Variants in ARNT observed in about 807,000 individuals in gnomAD.
ARNT encodes aryl hydrocarbon receptor nuclear translocator.
ARNT carries 30 observed loss-of-function variants against 105.0 expected under a neutral mutation model. The observed-to-expected ratio is 0.29, with a 90% CI of 0.21 to 0.39. The LOEUF (loss-of-function observed/expected upper bound fraction) is 0.39. Among genes scored for constraint, ARNT ranks in the 10% least tolerant of loss-of-function variants. ARNT has a pLI of 1.00. For missense variants in ARNT, 748 were observed against 978.7 expected (o/e 0.76, Z 3.15); for synonymous variants, 304 against 344.0 (o/e 0.88, Z 1.29).
intron 19 of ARNT, among the ~76,000 whole-genome samples, chr1:150,814,589 C>T (rs1655440530): frequency 6.6e-6 from 1 of 152,136 alleles, no homozygotes; most frequent in Non-Finnish European, 1.5e-5. Context: ...TGCCTATAAT[C>T]CCAGCACTTT....
chr1:150,857,016 A>G (rs1004787670), intron 2 of ARNT, among the ~76,000 whole-genome samples: 4 of 151,650 alleles, frequency 2.6e-5, no homozygotes, highest in Non-Finnish European at 5.9e-5. Flanking sequence ...TACCAATCAT[A>G]CATGTTCATT....
chr1:150,844,714 A>T (rs1003332303), intron 4 of ARNT, among the ~76,000 whole-genome samples: 49 of 149,038 alleles, frequency 3.3e-4, no homozygotes, highest in African/African-American at 8.3e-4. Context: ...AGAATTTAAT[A>T]AAAAAAAGTA....
At chr1:150,815,215 T>C (rs1156552411) in intron 19 of ARNT, among the ~76,000 whole-genome samples, 1 of 152,056 alleles carries the variant, frequency 6.6e-6, no homozygotes, top group Admixed American at 6.5e-5. Flanking sequence ...CTTTAGACAG[T>C]GTATTTATTG....
Position 150,834,647 on chromosome 1 carries a change from G to T in ARNT, c.701-7C>A, listed in dbSNP as rs762900585. 1.2e-6 allele frequency: 2 copies of T among 1,612,908 alleles called. No homozygotes were observed. The highest frequency in any genetic ancestry group is 1.7e-6 in the Non-Finnish European group (2 of 1,179,090). ...TTTAGATCCAGGATACGCCCTGAAG[G>T]AAGATGTGAAGAGCAGTCTGGAGTG... On this transcript the variant is annotated splice_polypyrimidine_tract_variant and splice_region_variant and intron_variant, in intron 7 of 21. Transcript: ENST00000358595.
chr1:150,869,278 C>T (rs1042628611), intron 1 of ARNT, among the ~76,000 whole-genome samples: 3 of 152,128 alleles, frequency 2.0e-5, no homozygotes, highest in African/African-American at 7.2e-5. Flanking sequence ...GAGATCGAGG[C>T]CATCCTGGCT....
chr1:150,833,959 A>C (rs1227153747), intron 8 of ARNT, among the ~76,000 whole-genome samples: 2 of 149,738 alleles, frequency 1.3e-5, no homozygotes, highest in African/African-American at 4.9e-5. Flanking sequence ...TTTGAGACAG[A>C]GTTTCACTCT....
chr1:150,816,113 A>T, intron 19 of ARNT, 146 bp downstream of exon 19: 1 of 982,970 alleles, frequency 1.0e-6, no homozygotes, highest in Non-Finnish European at 1.5e-6. Context: ...TTAATTAGCT[A>T]CTCTCAACAA....
chr1:150,871,306 T>G (rs912779378), intron 1 of ARNT, among the ~76,000 whole-genome samples: 14 of 147,456 alleles, frequency 9.5e-5, no homozygotes, highest in Non-Finnish European at 3.0e-5. Context: ...TTTTTTTTTT[T>G]TTTTTTTTTT....
At chr1:150,828,350 G>GTTTTTTTTTTTTTTT (rs10531895) in intron 12 of ARNT, among the ~76,000 whole-genome samples, 1 of 115,562 alleles carries the variant, frequency 8.7e-6, no homozygotes. Context: ...TTTTTTTTTT[G>GTTTTTTTTTTTTTTT]TTTTTTTTTT....
rs1355630254 is a variant in ARNT, at chr1:150,809,873, T to C, written c.*2148A>G. On this transcript the variant is annotated 3_prime_UTR_variant, in exon 22 of 22. Transcript: ENST00000358595. ...CTCATGGTCAGAGCATTCCTGCTGA[T>C]GTTACTCAGAATGTGTCAGGATCAG... 4.5e-6 allele frequency: 1 copy of C among 223,868 alleles called. No individual in the cohort carries two copies. Among genetic ancestry groups the C allele is most frequent in the Non-Finnish European group, 8.9e-6 (1 of 112,026 alleles). 13.9% of individuals were successfully genotyped at this position (223,868 alleles called of 1,614,324 possible).
chr1:150,838,640 TTGA>T (rs1423837793), intron 6 of ARNT, among the ~76,000 whole-genome samples: 2 of 152,260 alleles, frequency 1.3e-5, no homozygotes, highest in Admixed American at 6.5e-5. Flanking sequence ...AAGGGAATAC[TTGA>T]TTGATACTGA....
At chr1:150,853,349 G>C (rs1298516464) in intron 2 of ARNT, 4 of 272,150 alleles carry the variant, frequency 1.5e-5, no homozygotes, top group African/African-American at 7.0e-5. Flanking sequence ...CACTTTCCTA[G>C]AGTAGCAGTC....
intron 2 of ARNT, among the ~76,000 whole-genome samples, chr1:150,858,077 C>A (rs1319265014): frequency 6.6e-6 from 1 of 152,138 alleles, no homozygotes; most frequent in Non-Finnish European, 1.5e-5. Flanking sequence ...TTTTCTCAGG[C>A]ATAGTAAAAT....
chr1:150,825,840 CCTT>C (rs1163213163), intron 13 of ARNT, among the ~76,000 whole-genome samples: 2 of 131,094 alleles, frequency 1.5e-5, no homozygotes, highest in Admixed American at 8.1e-5. Context: ...GAGCTAGACT[CCTT>C]CTAAAAAAAA....
In ARNT at chr1:150,821,225, T is replaced by C. The variant is rs201493002; in HGVS notation, c.1394+1969A>G. Among the ~76,000 whole-genome samples, 28 of 152,350 alleles carry C rather than the reference T, an allele frequency of 1.8e-4. No individual in the cohort carries two copies. In the East Asian group the frequency reaches 5.2e-3, roughly 28 times the overall value. ...AACCACAGCTGCAGACTTCATTCTA[T>C]AGTACATATCAAGCAATTCACCTTT... On this transcript the variant is annotated intron_variant, in intron 14 of 21. Transcript: ENST00000358595.
Position 150,842,275 on chromosome 1 carries a change from T to C in ARNT, c.272+149A>G, listed in dbSNP as rs1273963669. On this transcript the variant is annotated intron_variant, in intron 5 of 21. Coordinates refer to ENST00000358595, the MANE Select transcript of ARNT (RefSeq NM_001668.4). Reference sequence around the variant, plus strand: ...CTGATGGGGGAAGCCAAAGTTCCTGTTACACTCAAACTTCTAAAAAATCTT... The same window carrying C: ...CTGATGGGGGAAGCCAAAGTTCCTGCTACACTCAAACTTCTAAAAAATCTT... 2.3e-6 allele frequency: 3 copies of C among 1,324,172 alleles called. No individual in the cohort carries two copies. In the African/African-American group the frequency reaches 4.5e-5, roughly 20 times the overall value. The allele number at this position is 1,324,172 out of a possible 1,614,324, so 82.0% of individuals were successfully genotyped here. A position where few individuals can be genotyped will look rare whatever the true frequency, so the allele number is the denominator to read the frequency against.
chr1:150,826,523 C>A lies in ARNT; in HGVS notation c.1242+20G>T. 6.3e-7 allele frequency: 1 copy of A among 1,597,454 alleles called. No individual in the cohort carries two copies. Among genetic ancestry groups the A allele is most frequent in the Non-Finnish European group, 8.6e-7 (1 of 1,166,196 alleles). On this transcript the variant is annotated intron_variant, in intron 13 of 21. Transcript: ENST00000358595. ...AATATGACAAATATTTATTCAGAAC[C>A]AAACCAGGAAAAAAGTTACCTGTTG...
At chr1:150,812,955 C>G (rs1234436263) in intron 21 of ARNT, among the ~76,000 whole-genome samples, 1 of 152,178 alleles carries the variant, frequency 6.6e-6, no homozygotes, top group Non-Finnish European at 1.5e-5. Context: ...CTTCAGCCTT[C>G]TAAGGGGCTG....
rs1158604878 is a variant in ARNT at position 150,834,543 on chromosome 1, T to G, written c.798A>C (p.Arg266=). ...ATCCTCAGCTTGACACTCACCTCAT[T>G]CGGCAAATAAACGATCTCCTTGAGC... ...CMGSRRSFIC[R]MRCGSSSVDP... Residue 266 remains arginine (R), a synonymous_variant, in exon 8 of 22, where the codon CGA becomes CGC. Coordinates refer to ENST00000358595, the MANE Select transcript of ARNT (RefSeq NM_001668.4). 6.2e-7 allele frequency: 1 copy of G among 1,613,834 alleles called. No individual in the cohort carries two copies. The highest frequency in any genetic ancestry group is 8.5e-7 in the Non-Finnish European group (1 of 1,179,802).
Sources: allele counts gnomAD v4.1 joint callset (sites outside exome capture counted in the v4.1 genomes callset), GRCh38; gene constraint gnomAD v4.1.1; transcripts MANE v1.5; gene names NCBI Gene and HGNC (gene_info 2026-07-23, HGNC 2026-07-21).